The following KAT2B variants were observed in gnomAD, a reference collection of about 807,000 sequenced individuals.
The protein encoded by KAT2B is histone acetyltransferase KAT2B.
A neutral mutation model predicts 105.9 loss-of-function variants in KAT2B; 36 were observed. That is an observed-to-expected ratio of 0.34 (90% CI 0.26 to 0.45). The LOEUF (loss-of-function observed/expected upper bound fraction) is 0.45, where lower values mean the gene tolerates loss of function less well. KAT2B is among the 20% of genes least tolerant of loss of function. KAT2B has a pLI of 1.00. For missense variants in KAT2B, 820 were observed against 1,021.6 expected, an observed-to-expected ratio of 0.80 and a Z score of 2.69; for synonymous variants, 397 against 377.9, an observed-to-expected ratio of 1.05 and a Z score of -0.59.
rs1394683118 is a variant in KAT2B at position 20,131,156 on chromosome 3, C to T, written c.1749+3607C>T. On this transcript the variant is annotated intron_variant, in intron 11 of 17. Transcript: ENST00000263754. ...TCAGCCTCCCGAGTAGCTGGGATTA[C>T]AGGTGTCAGCCACCATGCCCGGCTA... Among the ~76,000 whole-genome samples the T allele has an allele frequency of 3.3e-5, 5 of 151,788 alleles. No homozygotes were observed. In the South Asian group the frequency reaches 8.3e-4, roughly 25 times the overall value.
chr3:20,105,816 AAAGAAG>A (rs1173793039), intron 5 of KAT2B, among the ~76,000 whole-genome samples: 16 of 151,216 alleles, frequency 1.1e-4, no homozygotes, highest in Admixed American at 2.0e-4. Context: ...AAAAAAAAAA[AAAGAAG>A]AAGAAGAAGA....
intron 2 of KAT2B, among the ~76,000 whole-genome samples, chr3:20,091,892 T>G (rs6783444): frequency 0.1 from 15,417 of 152,208 alleles, 1,324 homozygotes; most frequent in South Asian, 0.32. Flanking sequence ...CTATTATTTT[T>G]GCACCAATCC....
At chr3:20,053,195 C>G (rs1408664659) in intron 1 of KAT2B, among the ~76,000 whole-genome samples, 1 of 152,166 alleles carries the variant, frequency 6.6e-6, no homozygotes, top group African/African-American at 2.4e-5. Flanking sequence ...TATTTTAATC[C>G]TCTCCAACCA....
At chr3:20,071,007 T>TA (rs202027627) in intron 1 of KAT2B, among the ~76,000 whole-genome samples, 2,287 of 83,198 alleles carry the variant, frequency 0.027, 47 homozygotes, top group African/African-American at 0.085. Context: ...AGACTCTGTA[T>TA]ATAAAAAAAA....
chr3:20,143,102 A>G (rs937108992), intron 13 of KAT2B, among the ~76,000 whole-genome samples: 5 of 152,062 alleles, frequency 3.3e-5, no homozygotes, highest in African/African-American at 1.2e-4. Flanking sequence ...ATGGGGAACT[A>G]CTCCACTGAA....
At chr3:20,124,410 G>A (rs1304169019) in intron 9 of KAT2B, among the ~76,000 whole-genome samples, 1 of 152,124 alleles carries the variant, frequency 6.6e-6, no homozygotes, top group Non-Finnish European at 1.5e-5. Context: ...CACATCACAT[G>A]GTGAGAGAGG....
chr3:20,081,264 A>T lies in KAT2B; in HGVS notation c.430+8805A>T, dbSNP rs118097078. Among the ~76,000 whole-genome samples the T allele has an allele frequency of 1.4e-3, 209 of 152,354 alleles. 9 individuals carry two copies. The East Asian group carries it at 0.036, about 26-fold the overall frequency. ...CTGCTGCCTGTTCACACTGCAGGGCATGTGAGGACTGGCTGACTGTCTTCA... is the reference window on the plus strand; with the variant it reads ...CTGCTGCCTGTTCACACTGCAGGGCTTGTGAGGACTGGCTGACTGTCTTCA... On this transcript the variant is annotated intron_variant, in intron 2 of 17. Transcript: ENST00000263754.
At chr3:20,063,694 C>T (rs1191939271) in intron 1 of KAT2B, among the ~76,000 whole-genome samples, 1 of 151,628 alleles carries the variant, frequency 6.6e-6, no homozygotes, top group Non-Finnish European at 1.5e-5. Flanking sequence ...AGACGTGAGC[C>T]ACCATGCCCG....
chr3:20,047,100 T>C (rs1697825786), intron 1 of KAT2B, among the ~76,000 whole-genome samples: 4 of 151,802 alleles, frequency 2.6e-5, no homozygotes, highest in Admixed American at 2.6e-4. Context: ...TTCTGAGGCT[T>C]TTTTGAGGCA....
intron 1 of KAT2B, among the ~76,000 whole-genome samples, chr3:20,068,430 C>T (rs915214099): frequency 6.7e-6 from 1 of 150,140 alleles, no homozygotes; most frequent in African/African-American, 2.5e-5. Flanking sequence ...ACCTAATGAC[C>T]AACTCCCACC....
chr3:20,096,253 C>T (rs1698808901), intron 3 of KAT2B, among the ~76,000 whole-genome samples: 1 of 152,182 alleles, frequency 6.6e-6, no homozygotes, highest in Non-Finnish European at 1.5e-5. Flanking sequence ...TCACCGATTA[C>T]TGCTGCCATT....
intron 2 of KAT2B, among the ~76,000 whole-genome samples, chr3:20,089,492 C>A (rs1412424116): frequency 4.6e-5 from 7 of 151,266 alleles, no homozygotes; most frequent in African/African-American, 7.3e-5. Context: ...CCTCTGCCTC[C>A]CAGGTTCAAG....
chr3:20,064,511 C>A (rs1176942764), intron 1 of KAT2B, among the ~76,000 whole-genome samples: 1 of 152,182 alleles, frequency 6.6e-6, no homozygotes, highest in East Asian at 1.9e-4. Context: ...TGATCCTTGA[C>A]ATTTAAACAT....
intron 13 of KAT2B, 118 bp downstream of exon 13, chr3:20,140,482 T>C (rs1699677728): frequency 2.0e-6 from 2 of 992,992 alleles, no homozygotes; most frequent in South Asian, 1.6e-5. Context: ...CGGTTTGCTG[T>C]GGGTTATCTA....
intron 7 of KAT2B, among the ~76,000 whole-genome samples, chr3:20,116,749 A>T (rs1005676655): frequency 6.6e-6 from 1 of 152,170 alleles, no homozygotes; most frequent in Admixed American, 6.5e-5. Context: ...TTGGTATCTA[A>T]GCCTTTTCAC....
chr3:20,142,653 A>G (rs1699713346), intron 13 of KAT2B, among the ~76,000 whole-genome samples: 2 of 152,134 alleles, frequency 1.3e-5, no homozygotes, highest in African/African-American at 2.4e-5. Flanking sequence ...GTTGACTCCA[A>G]GGGAAAGGTA....
intron 1 of KAT2B, among the ~76,000 whole-genome samples, chr3:20,071,756 C>T (rs967581540): frequency 1.3e-5 from 2 of 152,188 alleles, no homozygotes; most frequent in Non-Finnish European, 2.9e-5. Context: ...CCCAGGACTA[C>T]ATGATGAAGC....
chr3:20,132,262 T>C (rs1699523925), intron 11 of KAT2B, among the ~76,000 whole-genome samples: 1 of 152,102 alleles, frequency 6.6e-6, no homozygotes, highest in African/African-American at 2.4e-5. Flanking sequence ...TAATCCCAGC[T>C]ACTCAGAGGC....
chr3:20,066,124 C>A (rs1559515943), intron 1 of KAT2B, among the ~76,000 whole-genome samples: 1 of 152,070 alleles, frequency 6.6e-6, no homozygotes, highest in Non-Finnish European at 1.5e-5. Flanking sequence ...TTCCTAGCAT[C>A]TGGTGGTGCT....
Sources: allele counts gnomAD v4.1 joint callset (sites outside exome capture counted in the v4.1 genomes callset), GRCh38; gene constraint gnomAD v4.1.1; transcripts MANE v1.5; gene names NCBI Gene and HGNC (gene_info 2026-07-23, HGNC 2026-07-21).